SAMSN1: variants seen among roughly 807,000 people sequenced by gnomAD.
The protein encoded by SAMSN1 is SAM domain, SH3 domain and nuclear localization signals 1.
A neutral mutation model predicts 42.0 loss-of-function variants in SAMSN1; 31 were observed. The ratio of observed to expected loss-of-function variants is 0.74; its 90% CI spans 0.55 to 1.00. SAMSN1 has a LOEUF of 1.00. SAMSN1 is among the 50% of genes least tolerant of loss of function. SAMSN1 has a pLI of 0.00. For synonymous variants in SAMSN1, 178 were observed against 151.9 expected (o/e 1.17, Z -1.26); for missense variants, 464 against 439.4 (o/e 1.06, Z -0.50).
intron 2 of SAMSN1, among the ~76,000 whole-genome samples, chr21:14,577,234 GTGTGTATATATATATATATATATATATA>G (rs1350867703): frequency 0.11 from 2,450 of 21,320 alleles, 292 homozygotes; most frequent in African/African-American, 0.31. Context: ...TTATATATAT[GTGTGTATATATATATATATATATATATA>G]TATATATATA....
In SAMSN1 at chr21:14,498,469, C is replaced by T; in HGVS notation, c.892G>A (p.Ala298Thr). 4 of 1,610,158 alleles carry T rather than the reference C, an allele frequency of 2.5e-6. No individual in the cohort carries two copies. Among genetic ancestry groups the T allele is most frequent in the Non-Finnish European group, 2.5e-6 (3 of 1,178,988 alleles). Residue 298 changes from alanine (A) to threonine (T), a missense_variant, in exon 7 of 8, where the codon GCT becomes ACT. By Grantham distance (58) the Ala-to-Thr change is moderately conservative. Coordinates refer to ENST00000400566, the MANE Select transcript of SAMSN1 (RefSeq NM_022136.5). ...NPDDRRRLLS[A>T]AENFLEEEII... Reference sequence around the variant, plus strand: ...TCTTCTTCAAGGAAGTTTTCAGCAGCTGATAGTAACCTTCTTCTGTCATCT... The same window carrying T: ...TCTTCTTCAAGGAAGTTTTCAGCAGTTGATAGTAACCTTCTTCTGTCATCT...
At chr21:14,588,882 T>C (rs1197384143) in intron 7 of SAMSN1, among the ~76,000 whole-genome samples, 5 of 152,196 alleles carry the variant, frequency 3.3e-5, no homozygotes, top group African/African-American at 1.2e-4. Context: ...CTTTTGTCTT[T>C]GTAATTTAGA....
At chr21:14,497,161 T>C (rs1265044443) in intron 7 of SAMSN1, among the ~76,000 whole-genome samples, 2 of 152,180 alleles carry the variant, frequency 1.3e-5, no homozygotes, top group Non-Finnish European at 2.9e-5. Context: ...CTTGCTGTCT[T>C]AACTCATCAT....
chr21:14,632,804 G>A (rs559365141), intron 2 of SAMSN1, among the ~76,000 whole-genome samples: 46 of 152,232 alleles, frequency 3.0e-4, no homozygotes, highest in Admixed American at 5.2e-4. Context: ...ATTTTACTCA[G>A]TGATTGTTGG....
intron 5 of SAMSN1, among the ~76,000 whole-genome samples, chr21:14,603,512 GGTGTAAATATAGCA>G (rs1982490757): frequency 6.6e-6 from 1 of 152,172 alleles, no homozygotes; most frequent in African/African-American, 2.4e-5. Context: ...GAAAGGAAAA[GGTGTAAATATAGCA>G]GTGATTCCAT....
intron 2 of SAMSN1, among the ~76,000 whole-genome samples, chr21:14,575,595 C>A (rs1981433576): frequency 6.6e-6 from 1 of 152,120 alleles, no homozygotes; most frequent in African/African-American, 2.4e-5. Context: ...GGAGATGAAA[C>A]ACAAGGATGT....
intron 6 of SAMSN1, among the ~76,000 whole-genome samples, chr21:14,596,460 C>T (rs537957834): frequency 6.6e-6 from 1 of 152,246 alleles, no homozygotes; most frequent in Admixed American, 6.5e-5. Flanking sequence ...CTGAAGAGGT[C>T]TTCAGAAGGT....
At chr21:14,496,648 T>G (rs1435018256) in intron 7 of SAMSN1, among the ~76,000 whole-genome samples, 2 of 152,234 alleles carry the variant, frequency 1.3e-5, no homozygotes, top group Non-Finnish European at 2.9e-5. Context: ...TTTACACTGA[T>G]CAATTTTGTC....
intron 4 of SAMSN1, chr21:14,609,617 C>T (rs1600961498): frequency 1.4e-6 from 1 of 716,702 alleles, no homozygotes; most frequent in Middle Eastern, 2.3e-4. Context: ...TAACATTTGT[C>T]CAGTAAGTAT....
At chr21:14,527,457 A>G (rs138278880) in intron 1 of SAMSN1, among the ~76,000 whole-genome samples, 11 of 152,332 alleles carry the variant, frequency 7.2e-5, no homozygotes, top group African/African-American at 2.6e-4. Context: ...TTCGACACTC[A>G]CGTTTTATCC....
intron 7 of SAMSN1, among the ~76,000 whole-genome samples, chr21:14,493,574 A>AACACACACACACACACAC (rs201460166): frequency 9.8e-6 from 1 of 102,202 alleles, no homozygotes; most frequent in African/African-American, 2.8e-5. Context: ...TTTATGGAAC[A>AACACACACACACACACAC]ACACACACAC....
At chr21:14,562,619 T>G (rs1980982411) in intron 2 of SAMSN1, among the ~76,000 whole-genome samples, 1 of 151,630 alleles carries the variant, frequency 6.6e-6, no homozygotes. Context: ...GATTAAAAAA[T>G]TCAGTTGAAA....
intron 1 of SAMSN1, among the ~76,000 whole-genome samples, chr21:14,643,418 A>G (rs1335958605): frequency 6.6e-6 from 1 of 152,224 alleles, no homozygotes; most frequent in Admixed American, 6.5e-5. Flanking sequence ...ATTCCTCAAG[A>G]GGTATGTTGA....
upstream of SAMSN1, among the ~76,000 whole-genome samples, chr21:14,549,418 G>A (rs962077220): frequency 1.3e-5 from 2 of 152,130 alleles, no homozygotes; most frequent in African/African-American, 2.4e-5. Flanking sequence ...TAGAATGAAA[G>A]TAGATTCTCT....
intron 6 of SAMSN1, chr21:14,601,907 T>C: frequency 2.5e-6 from 1 of 404,536 alleles, no homozygotes; most frequent in Non-Finnish European, 4.6e-6. Flanking sequence ...CTATAATAAC[T>C]AAATAGAAAC....
At chr21:14,652,617 A>C (rs532092243) in intron 1 of SAMSN1, among the ~76,000 whole-genome samples, 2 of 152,080 alleles carry the variant, frequency 1.3e-5, no homozygotes. Flanking sequence ...TCTTCAAGAC[A>C]TTGGTCTGGG....
intron 2 of SAMSN1, among the ~76,000 whole-genome samples, chr21:14,580,345 A>G (rs558418077): frequency 6.6e-6 from 1 of 152,344 alleles, no homozygotes; most frequent in African/African-American, 2.4e-5. Context: ...CAGAAATGCC[A>G]AGTTAGGGAG....
intron 2 of SAMSN1, among the ~76,000 whole-genome samples, chr21:14,576,763 C>G (rs1981480551): frequency 6.6e-6 from 1 of 152,032 alleles, no homozygotes; most frequent in Non-Finnish European, 1.5e-5. Context: ...ATGTTCTCAC[C>G]TTCAGATGCT....
At position 14,530,339 on chromosome 21, in the gene SAMSN1, A is replaced by AAGAAAGAAATAATC. The variant is rs1555833469; in HGVS notation, c.58-9119_58-9118insGATTATTTCTTTCT. The stretch of plus-strand genomic sequence containing the variant: ...CTCAAAAAAAAAAAAAAAAAAAAGA[A>AAGAAAGAAATAATC]AGAAATAATCACCAAATCCGAAGAT... On this transcript the variant is annotated intron_variant, in intron 1 of 7. Transcript: ENST00000400566. 9.9e-5 allele frequency among the ~76,000 whole-genome samples: 14 copies of AAGAAAGAAATAATC among 141,160 alleles called. No individual in the cohort carries two copies. The South Asian group carries it at 1.7e-3, about 17-fold the overall frequency. The allele number at this position is 141,160 out of a possible 152,430, so 92.6% of individuals were successfully genotyped here. A position where few individuals can be genotyped will look rare whatever the true frequency, so the allele number is the denominator to read the frequency against.
Sources: gnomAD v4.1 joint callset for allele counts (sites outside exome capture counted in the v4.1 genomes callset) on GRCh38, gnomAD v4.1.1 for gene constraint, MANE v1.5 for transcripts, NCBI Gene and HGNC (gene_info 2026-07-23, HGNC 2026-07-21) for gene names.